RNLS: variants seen among roughly 807,000 people sequenced by gnomAD.
RNLS encodes the protein renalase.
Under a neutral mutation model 39.8 loss-of-function variants are expected in RNLS, and 39 were observed. That is an observed-to-expected ratio of 0.98 (90% CI 0.76 to 1.28). The LOEUF (loss-of-function observed/expected upper bound fraction) is 1.28. RNLS is among the 50% of genes most tolerant of loss of function. RNLS has a pLI of 0.00. For missense variants in RNLS, 410 were observed against 413.3 expected, an observed-to-expected ratio of 0.99 and a Z score of 0.07; for synonymous variants, 147 against 150.7, an observed-to-expected ratio of 0.98 and a Z score of 0.18.
At chr10:88,406,523 C>A (rs1853282506) in intron 4 of RNLS, among the ~76,000 whole-genome samples, 1 of 151,968 alleles carries the variant, frequency 6.6e-6, no homozygotes, top group South Asian at 2.1e-4. Flanking sequence ...ATTGCTGAGA[C>A]TTTCCAGAGC....
At chr10:88,209,845 T>G in the RNLS span, among the ~76,000 whole-genome samples, 1 of 152,194 alleles carries the variant, frequency 6.6e-6, no homozygotes, top group African/African-American at 2.4e-5. Context: ...ATCTCATTGA[T>G]CCTCAAAAAG....
chr10:88,225,534 C>T, the RNLS span, among the ~76,000 whole-genome samples: 5 of 151,874 alleles, frequency 3.3e-5, no homozygotes, highest in African/African-American at 4.8e-5. Flanking sequence ...GGCAACATAG[C>T]GAGACCTCAT....
chr10:88,314,595 T>A lies in RNLS; in HGVS notation c.747A>T (p.Pro249=). The A allele has an allele frequency of 6.2e-7, 1 of 1,613,904 alleles. No homozygotes were observed. Among genetic ancestry groups the A allele is most frequent in the Non-Finnish European group, 8.5e-7 (1 of 1,179,844 alleles). The change falls in exon 6 of 7, where the codon CCA becomes CCT. Residue 249 remains proline (P), a synonymous_variant. Transcript: ENST00000331772. ...TGTGTTCCAAGTATGTAACTCCAAATGGGACAGTGGTGTGAATCACGAGGG... is the reference window on the plus strand; with the variant it reads ...TGTGTTCCAAGTATGTAACTCCAAAAGGGACAGTGGTGTGAATCACGAGGG... ...GPSLVIHTTV[P]FGVTYLEHSI... is the part of the protein sequence containing the mutation.
intron 4 of RNLS, among the ~76,000 whole-genome samples, chr10:88,464,582 T>C (rs1481145863): frequency 6.6e-6 from 1 of 152,118 alleles, no homozygotes; most frequent in African/African-American, 2.4e-5. Flanking sequence ...CTGATAATGT[T>C]TGCACATACT....
intron 4 of RNLS, among the ~76,000 whole-genome samples, chr10:88,386,133 T>C (rs894025748): frequency 1.6e-4 from 25 of 152,222 alleles, no homozygotes; most frequent in Non-Finnish European, 2.9e-4. Context: ...CTGCAGGATA[T>C]GCAGTCGTGC....
At chr10:88,546,444 A>C (rs1371992553) in intron 4 of RNLS, among the ~76,000 whole-genome samples, 2 of 152,014 alleles carry the variant, frequency 1.3e-5, no homozygotes, top group Non-Finnish European at 2.9e-5. Context: ...ACTCTTAAAA[A>C]CTCTGAAAAG....
chr10:88,310,651 G>T (rs572453112), intron 6 of RNLS, among the ~76,000 whole-genome samples: 5 of 151,394 alleles, frequency 3.3e-5, no homozygotes, highest in African/African-American at 1.2e-4. Context: ...AATTAACCGG[G>T]AACAGTAGTG....
intron 5 of RNLS, among the ~76,000 whole-genome samples, chr10:88,349,848 T>C (rs1848558471): frequency 6.6e-6 from 1 of 152,040 alleles, no homozygotes; most frequent in South Asian, 2.1e-4. Flanking sequence ...AATAATGAGA[T>C]GAATATTTGC....
chr10:88,194,507 G>A, the RNLS span, among the ~76,000 whole-genome samples: 1 of 152,212 alleles, frequency 6.6e-6, no homozygotes, highest in Non-Finnish European at 1.5e-5. Flanking sequence ...CCAGGGAGAG[G>A]CAAGTGCTTT....
the RNLS span, among the ~76,000 whole-genome samples, chr10:88,201,739 C>T: frequency 6.6e-6 from 1 of 151,608 alleles, no homozygotes; most frequent in Non-Finnish European, 1.5e-5. Context: ...GTTTATTACA[C>T]AGTAACAGAT....
At chr10:88,407,486 T>G (rs1853358053) in intron 4 of RNLS, among the ~76,000 whole-genome samples, 1 of 151,388 alleles carries the variant, frequency 6.6e-6, no homozygotes, top group Admixed American at 6.6e-5. Flanking sequence ...AATAAAAAAA[T>G]TAACAATAGT....
In RNLS at chr10:88,583,247, G is replaced by C. The variant is rs1850767788; in HGVS notation, c.-57C>G. 6.2e-7 allele frequency: 1 copy of C among 1,600,260 alleles called. No homozygotes were observed. The highest frequency in any genetic ancestry group is 1.7e-5 in the Admixed American group (1 of 58,604). On this transcript the variant is annotated 5_prime_UTR_variant, in exon 1 of 7. Transcript: ENST00000331772. ...TCTGCGGCGGGGCCGTTCGGCCCGG[G>C]CTTTCTGGAAAGGCGGCCGAACCGG...
chr10:88,436,361 T>C (rs1841412267), intron 4 of RNLS, among the ~76,000 whole-genome samples: 1 of 152,148 alleles, frequency 6.6e-6, no homozygotes, highest in South Asian at 2.1e-4. Context: ...CAAAGATCCA[T>C]ATTGCTACTT....
At chr10:88,278,343 G>C (rs970553830) in intron 6 of RNLS, among the ~76,000 whole-genome samples, 2 of 152,098 alleles carry the variant, frequency 1.3e-5, no homozygotes, top group African/African-American at 4.8e-5. Flanking sequence ...TTATTGTAAT[G>C]GTTAAAATAT....
intron 5 of RNLS, among the ~76,000 whole-genome samples, chr10:88,336,966 A>G (rs1847547047): frequency 2.0e-5 from 3 of 152,188 alleles, no homozygotes; most frequent in Admixed American, 2.0e-4. Context: ...CTTAGGGGTC[A>G]TTAAGCCTGA....
the RNLS span, among the ~76,000 whole-genome samples, chr10:88,202,707 G>T: frequency 6.6e-6 from 1 of 152,214 alleles, no homozygotes; most frequent in Non-Finnish European, 1.5e-5. Flanking sequence ...AGCCAAGAAA[G>T]GGCAGATCCC....
chr10:88,413,945 A>G (rs971632900), intron 4 of RNLS, among the ~76,000 whole-genome samples: 1 of 152,200 alleles, frequency 6.6e-6, no homozygotes, highest in Non-Finnish European at 1.5e-5. Flanking sequence ...CCAAAAATAA[A>G]CAGCCTTCAC....
At chr10:88,319,133 C>T (rs984573224) in intron 5 of RNLS, among the ~76,000 whole-genome samples, 4 of 152,060 alleles carry the variant, frequency 2.6e-5, no homozygotes, top group South Asian at 2.1e-4. Flanking sequence ...AAGCAGCATC[C>T]GAGAAAGCCA....
intron 4 of RNLS, among the ~76,000 whole-genome samples, chr10:88,421,808 C>T (rs1196969937): frequency 1.3e-5 from 2 of 152,162 alleles, no homozygotes; most frequent in Admixed American, 6.5e-5. Context: ...GTCCCAATTA[C>T]GTTTCCTCTG....
Sources: gnomAD v4.1 joint callset for allele counts (sites outside exome capture counted in the v4.1 genomes callset) on GRCh38, gnomAD v4.1.1 for gene constraint, MANE v1.5 for transcripts, NCBI Gene and HGNC (gene_info 2026-07-23, HGNC 2026-07-21) for gene names.